CSMD3: variants seen among roughly 807,000 people sequenced by gnomAD.
The protein encoded by CSMD3 is CUB and sushi domain-containing protein 3.
In CSMD3, 177 loss-of-function variants were observed where a neutral mutation model predicts 435.2. That is an observed-to-expected ratio of 0.41 (90% CI 0.36 to 0.46). The LOEUF (loss-of-function observed/expected upper bound fraction) is 0.46, where lower values mean the gene tolerates loss of function less well. Among genes scored for constraint, CSMD3 ranks in the 20% least tolerant of loss-of-function variants. The pLI, the probability that CSMD3 is intolerant of heterozygous loss-of-function variation, is 0.34. For synonymous variants in CSMD3, 1,656 were observed against 1,520.5 expected (o/e 1.09, Z -2.07); for missense variants, 4,265 against 4,504.6 (o/e 0.95, Z 1.52).
chr8:112,901,088 A>G (rs2082098638), intron 10 of CSMD3, among the ~76,000 whole-genome samples: 1 of 151,304 alleles, frequency 6.6e-6, no homozygotes. Context: ...AAGGTTATGT[A>G]TACTAAGAAT....
At chr8:112,345,688 G>A (rs539436696) in intron 41 of CSMD3, among the ~76,000 whole-genome samples, 22 of 152,088 alleles carry the variant, frequency 1.4e-4, no homozygotes, top group Admixed American at 3.3e-4. Flanking sequence ...AACATATTGC[G>A]CTCTTGAAAA....
chr8:112,323,281 A>G (rs544378264), intron 45 of CSMD3, among the ~76,000 whole-genome samples: 6 of 152,138 alleles, frequency 3.9e-5, no homozygotes, highest in African/African-American at 1.4e-4. Context: ...ATCAATCTCT[A>G]CTAGTATGTT....
intron 10 of CSMD3, among the ~76,000 whole-genome samples, chr8:112,894,605 A>G (rs1296872028): frequency 6.6e-6 from 1 of 151,350 alleles, no homozygotes; most frequent in African/African-American, 2.4e-5. Flanking sequence ...ATATAGACAG[A>G]AATATTAGTA....
At chr8:113,295,529 A>C (rs2093714496) in intron 2 of CSMD3, among the ~76,000 whole-genome samples, 1 of 152,220 alleles carries the variant, frequency 6.6e-6, no homozygotes, top group Non-Finnish European at 1.5e-5. Flanking sequence ...GAATGATATA[A>C]AATAAAGTTA....
intron 5 of CSMD3, among the ~76,000 whole-genome samples, chr8:113,063,788 G>A (rs1286521760): frequency 6.6e-6 from 1 of 151,572 alleles, no homozygotes; most frequent in African/African-American, 2.4e-5. Flanking sequence ...GATATTTAAA[G>A]CAAAATAAAT....
intron 13 of CSMD3, among the ~76,000 whole-genome samples, chr8:112,729,188 C>T (rs1053463870): frequency 2.0e-5 from 3 of 151,912 alleles, no homozygotes; most frequent in Non-Finnish European, 4.4e-5. Flanking sequence ...AATGAGAGTG[C>T]AGGAATGAGA....
intron 60 of CSMD3, among the ~76,000 whole-genome samples, chr8:112,264,264 T>G (rs1816724746): frequency 6.6e-6 from 1 of 152,224 alleles, no homozygotes; most frequent in Admixed American, 6.5e-5. Flanking sequence ...ACAGGTCATA[T>G]GTCTGAGTAT....
At chr8:112,641,652 C>T (rs867478035) in intron 20 of CSMD3, among the ~76,000 whole-genome samples, 5 of 151,932 alleles carry the variant, frequency 3.3e-5, no homozygotes, top group African/African-American at 7.3e-5. Flanking sequence ...GCTTGGGAAA[C>T]ATGGTGGAAT....
intron 30 of CSMD3, among the ~76,000 whole-genome samples, chr8:112,497,278 G>C (rs1586520427): frequency 6.6e-6 from 1 of 151,936 alleles, no homozygotes; most frequent in Non-Finnish European, 1.5e-5. Context: ...AGAATGAATA[G>C]GGATCTAGTC....
At chr8:112,312,944 G>A (rs758216637) in intron 49 of CSMD3, among the ~76,000 whole-genome samples, 18 of 152,106 alleles carry the variant, frequency 1.2e-4, no homozygotes, top group Non-Finnish European at 2.2e-4. Flanking sequence ...CACATGATTT[G>A]GGAAGCATGG....
intron 6 of CSMD3, among the ~76,000 whole-genome samples, chr8:113,008,888 G>A (rs573860126): frequency 1.3e-5 from 2 of 150,782 alleles, no homozygotes; most frequent in Admixed American, 1.3e-4. Context: ...TATTCCCATA[G>A]AAAAAAATCA....
At chr8:112,874,287 T>C (rs1452356970) in intron 10 of CSMD3, among the ~76,000 whole-genome samples, 4 of 152,212 alleles carry the variant, frequency 2.6e-5, no homozygotes, top group Admixed American at 6.5e-5. Context: ...TTTGTTATGA[T>C]TTCCGTTCTT....
At chr8:113,256,921 A>T (rs892940544) in intron 3 of CSMD3, among the ~76,000 whole-genome samples, 1 of 152,216 alleles carries the variant, frequency 6.6e-6, no homozygotes, top group South Asian at 2.1e-4. Context: ...TGTGTAAAAT[A>T]AGAATCAGCA....
chr8:112,797,799 T>C (rs2078863480), intron 13 of CSMD3, among the ~76,000 whole-genome samples: 1 of 151,868 alleles, frequency 6.6e-6, no homozygotes, highest in South Asian at 2.1e-4. Context: ...GCTCAGGTTT[T>C]AAATTATGTA....
At chr8:112,436,184 C>T (rs1814322121) in intron 32 of CSMD3, among the ~76,000 whole-genome samples, 1 of 151,790 alleles carries the variant, frequency 6.6e-6, no homozygotes, top group South Asian at 2.1e-4. Flanking sequence ...ATTTTAATTG[C>T]TCCTCTGATT....
At chr8:112,561,369 A>G (rs1216141552) in intron 24 of CSMD3, among the ~76,000 whole-genome samples, 3 of 151,546 alleles carry the variant, frequency 2.0e-5, no homozygotes, top group Non-Finnish European at 4.4e-5. Context: ...GATGTTTTTG[A>G]TTTTCTGAAT....
At chr8:113,235,516 T>G (rs1434618865) in intron 3 of CSMD3, among the ~76,000 whole-genome samples, 1 of 151,940 alleles carries the variant, frequency 6.6e-6, no homozygotes, top group East Asian at 1.9e-4. Flanking sequence ...TAGGAAAAAA[T>G]AGCAAGCAGT....
chr8:113,361,070 G>A (rs919914614), intron 1 of CSMD3, among the ~76,000 whole-genome samples: 3 of 152,072 alleles, frequency 2.0e-5, no homozygotes, highest in African/African-American at 7.2e-5. Flanking sequence ...ATTTTAGATG[G>A]CATCTTTAAG....
chr8:112,304,729 T>C lies in CSMD3; in HGVS notation c.8258A>G (p.Tyr2753Cys). The change falls in exon 52 of 71, where the codon TAT (tyrosine) becomes TGT (cysteine). Residue 2753 changes from tyrosine (Y) to cysteine (C), a missense_variant. Transcript: ENST00000297405. ...GCAGAGTGTATACTTACTTTGGCAA[T>C]ATGGTCTTTCATTTCTCCAACTCCA... Reference protein sequence around the residue: ...GTWSWRNERPYCQIISCGELP... With the variant: ...GTWSWRNERPCCQIISCGELP... 1 of 1,612,172 alleles carries C rather than the reference T, an allele frequency of 6.2e-7. No individual in the cohort carries two copies.
Sources: gnomAD v4.1 joint callset for allele counts (sites outside exome capture counted in the v4.1 genomes callset) on GRCh38, gnomAD v4.1.1 for gene constraint, MANE v1.5 for transcripts, NCBI Gene and HGNC (gene_info 2026-07-23, HGNC 2026-07-21) for gene names.